RBFOX1: variants seen among roughly 807,000 people sequenced by gnomAD.
RBFOX1 encodes the protein RNA binding fox-1 homolog 1.
Under a neutral mutation model 57.7 loss-of-function variants are expected in RBFOX1, and 8 were observed. The observed-to-expected ratio is 0.14, with a 90% confidence interval of 0.08 to 0.25. The LOEUF (loss-of-function observed/expected upper bound fraction) is 0.25. RBFOX1 is among the 10% of genes least tolerant of loss of function. The pLI, the probability that RBFOX1 is intolerant of heterozygous loss-of-function variation, is 1.00. For missense variants in RBFOX1, 611 were observed against 548.5 expected, an observed-to-expected ratio of 1.11 and a Z score of -1.14; for synonymous variants, 326 against 222.4, an observed-to-expected ratio of 1.47 and a Z score of -4.15.
rs185635042 is a variant in RBFOX1, at chr16:6,570,508, T to C, written c.-63-84095T>C. ...ACTGTACTCTCTCTATATATATATA[T>C]ACACACATACATACACATATAAAAT... On this transcript the variant is annotated intron_variant, in intron 2 of 15. Transcript: ENST00000550418. Among the ~76,000 whole-genome samples the C allele has an allele frequency of 3.4e-4, 52 of 152,278 alleles. No individual in the cohort carries two copies. The East Asian group carries it at 5.4e-3, about 16-fold the overall frequency.
intron 3 of RBFOX1, among the ~76,000 whole-genome samples, chr16:6,720,781 A>G (rs2065836408): frequency 6.6e-6 from 1 of 152,194 alleles, no homozygotes; most frequent in Non-Finnish European, 1.5e-5. Flanking sequence ...TTCTTCAAAT[A>G]GGTGATAAAG....
chr16:6,706,900 G>T (rs1387567245), intron 3 of RBFOX1, among the ~76,000 whole-genome samples: 1 of 151,826 alleles, frequency 6.6e-6, no homozygotes, highest in Admixed American at 6.6e-5. Context: ...CCTGTTTTTT[G>T]CAATATTGCT....
chr16:7,648,375 C>T (rs1374072403), intron 11 of RBFOX1, among the ~76,000 whole-genome samples: 1 of 152,050 alleles, frequency 6.6e-6, no homozygotes, highest in Non-Finnish European at 1.5e-5. Context: ...CAGATGCATA[C>T]CACCACACCC....
chr16:6,015,860 C>G (rs1021731716), upstream of RBFOX1, among the ~76,000 whole-genome samples: 1 of 152,210 alleles, frequency 6.6e-6, no homozygotes, highest in South Asian at 2.1e-4. Context: ...ATTTATGTGT[C>G]TGCATATGCT....
intron 2 of RBFOX1, among the ~76,000 whole-genome samples, chr16:6,490,314 G>T (rs890972334): frequency 3.3e-5 from 5 of 152,212 alleles, no homozygotes; most frequent in Admixed American, 1.3e-4. Context: ...CAAGACAGAA[G>T]TAGAGAGCGT....
intron 4 of RBFOX1, among the ~76,000 whole-genome samples, chr16:7,187,265 A>T (rs1462943855): frequency 6.6e-6 from 1 of 151,982 alleles, no homozygotes; most frequent in Non-Finnish European, 1.5e-5. Flanking sequence ...AGCATAACAC[A>T]GGATATAAAT....
chr16:7,314,135 G>A (rs772450499), intron 4 of RBFOX1, among the ~76,000 whole-genome samples: 56 of 152,232 alleles, frequency 3.7e-4, no homozygotes, highest in Non-Finnish European at 5.7e-4. Flanking sequence ...GGGAAAGAAC[G>A]AGGCTGTGAG....
At chr16:7,051,376 G>C (rs2050016686) in intron 3 of RBFOX1, among the ~76,000 whole-genome samples, 1 of 152,190 alleles carries the variant, frequency 6.6e-6, no homozygotes, top group Non-Finnish European at 1.5e-5. Flanking sequence ...CTCCAAAGAA[G>C]CGTCCTTGGA....
Position 6,183,105 on chromosome 16 carries a change from G to T in RBFOX1, c.-126-133890G>T, listed in dbSNP as rs148578276. ...AAAATCTTTCTCTCAGGAAATTTGT[G>T]TTCTATTGGGTGTCAGGTGGCATGT... is the stretch of plus-strand genomic sequence containing the variant. On this transcript the variant is annotated intron_variant, in intron 1 of 15. Transcript: ENST00000550418. Among the ~76,000 whole-genome samples, 763 of 152,174 alleles carry T rather than the reference G, an allele frequency of 5.0e-3. 4 individuals carry two copies. The highest frequency in any genetic ancestry group is 0.017 in the African/African-American group (717 of 41,518).
chr16:7,707,493 C>T (rs1451045046), intron 14 of RBFOX1, among the ~76,000 whole-genome samples: 2 of 152,140 alleles, frequency 1.3e-5, no homozygotes, highest in African/African-American at 2.4e-5. Context: ...CCATTTCTTC[C>T]ACCAGCCTTG....
intron 4 of RBFOX1, among the ~76,000 whole-genome samples, chr16:7,401,402 A>G (rs993347898): frequency 2.0e-5 from 3 of 152,260 alleles, no homozygotes; most frequent in Non-Finnish European, 4.4e-5. Flanking sequence ...CAACTTCAAC[A>G]TAAAATAATG....
chr16:7,005,869 C>T (rs959055842), intron 3 of RBFOX1, among the ~76,000 whole-genome samples: 1 of 152,272 alleles, frequency 6.6e-6, no homozygotes, highest in South Asian at 2.1e-4. Flanking sequence ...AAATTCTTCC[C>T]TTCTTCTGGA....
chr16:5,499,409 A>C (rs2043112357), intron 2 of RBFOX1, among the ~76,000 whole-genome samples: 1 of 151,868 alleles, frequency 6.6e-6, no homozygotes, highest in Non-Finnish European at 1.5e-5. Context: ...ATCCTGACCC[A>C]CCTTTCAGGT....
intron 3 of RBFOX1, among the ~76,000 whole-genome samples, chr16:6,757,363 T>G (rs1256088603): frequency 6.6e-6 from 1 of 152,164 alleles, no homozygotes; most frequent in Non-Finnish European, 1.5e-5. Context: ...ACTGCAGCAT[T>G]ATTTACAATA....
intron 3 of RBFOX1, among the ~76,000 whole-genome samples, chr16:5,759,822 C>G (rs2053532064): frequency 6.6e-6 from 1 of 152,086 alleles, no homozygotes; most frequent in Non-Finnish European, 1.5e-5. Context: ...GCAAGCACTT[C>G]TCCCTCACCA....
intron 4 of RBFOX1, among the ~76,000 whole-genome samples, chr16:7,504,745 A>ATTTT (rs2072416197): frequency 2.5e-4 from 3 of 12,066 alleles, no homozygotes; most frequent in African/African-American, 6.4e-4. Context: ...ATATATATAT[A>ATTTT]TATATATATT....
intron 1 of RBFOX1, among the ~76,000 whole-genome samples, chr16:6,058,832 TTATCCATC>T (rs1368962723): frequency 2.4e-5 from 2 of 81,736 alleles, no homozygotes; most frequent in African/African-American, 3.6e-5. Flanking sequence ...ACTCATTTAT[TTATCCATC>T]CATCCATCCA....
At chr16:7,435,132 C>A (rs1284088240) in intron 4 of RBFOX1, among the ~76,000 whole-genome samples, 1 of 151,958 alleles carries the variant, frequency 6.6e-6, no homozygotes, top group Non-Finnish European at 1.5e-5. Context: ...TTAGTTTTTA[C>A]CTCGTTCTTT....
intron 1 of RBFOX1, among the ~76,000 whole-genome samples, chr16:6,072,163 G>T (rs562218248): frequency 6.6e-6 from 1 of 152,262 alleles, no homozygotes; most frequent in Non-Finnish European, 1.5e-5. Context: ...CAGGGGAACT[G>T]CCCTTTATAA....
Sources: allele counts gnomAD v4.1 joint callset (sites outside exome capture counted in the v4.1 genomes callset), GRCh38; gene constraint gnomAD v4.1.1; transcripts MANE v1.5; gene names NCBI Gene and HGNC (gene_info 2026-07-23, HGNC 2026-07-21).